The following PPP6R2 variants were observed in gnomAD, a reference collection of about 807,000 sequenced individuals.
PPP6R2 encodes protein phosphatase 6 regulatory subunit 2.
A neutral mutation model predicts 100.2 loss-of-function variants in PPP6R2; 62 were observed. The ratio of observed to expected loss-of-function variants is 0.62; its 90% CI spans 0.50 to 0.76. The LOEUF (loss-of-function observed/expected upper bound fraction) is 0.76. PPP6R2 is among the 30% of genes least tolerant of loss of function. The pLI, the probability that PPP6R2 is intolerant of heterozygous loss-of-function variation, is 0.00. For missense variants in PPP6R2, 1,142 were observed against 1,276.3 expected, an observed-to-expected ratio of 0.89 and a Z score of 1.60; for synonymous variants, 525 against 514.7, an observed-to-expected ratio of 1.02 and a Z score of -0.27.
chr22:50,442,552 T>TTTTGTG (rs2065913265), intron 22 of PPP6R2, among the ~76,000 whole-genome samples: 1 of 151,090 alleles, frequency 6.6e-6, no homozygotes, highest in Non-Finnish European at 1.5e-5. Flanking sequence ...TCACTGAAAT[T>TTTTGTG]TTTGTTTGTT....
chr22:50,367,193 CAG>C (rs1224287099), intron 1 of PPP6R2, among the ~76,000 whole-genome samples: 1 of 151,920 alleles, frequency 6.6e-6, no homozygotes, highest in Non-Finnish European at 1.5e-5. Context: ...GATGCCTGGA[CAG>C]GGGAGCGGGG....
chr22:50,437,914 G>T lies in PPP6R2; in HGVS notation c.1839+14G>T. 6.4e-7 allele frequency: 1 copy of T among 1,559,374 alleles called. No individual in the cohort carries two copies. Among genetic ancestry groups the T allele is most frequent in the South Asian group, 1.2e-5 (1 of 85,586 alleles). On this transcript the variant is annotated intron_variant, in intron 17 of 23. Transcript: ENST00000612753. ...GACGAGGACAGTGTGAGCAAGCCGG[G>T]CTGTGTGGGGTGCCGCCACCCTTTT...
intron 7 of PPP6R2, 108 bp from the exon 8 acceptor site, chr22:50,419,241 C>T: frequency 2.0e-6 from 2 of 984,494 alleles, no homozygotes; most frequent in South Asian, 3.1e-5. Context: ...TGAGCCTGAG[C>T]AGGTTGAGGG....
intron 2 of PPP6R2, among the ~76,000 whole-genome samples, chr22:50,389,623 G>T (rs1029756772): frequency 6.7e-6 from 1 of 149,756 alleles, no homozygotes; most frequent in African/African-American, 2.5e-5. Context: ...GCGTGATCTC[G>T]GCTCTCGCTC....
chr22:50,359,272 G>T (rs2047297292), intron 1 of PPP6R2, among the ~76,000 whole-genome samples: 1 of 145,920 alleles, frequency 6.9e-6, no homozygotes, highest in Non-Finnish European at 1.5e-5. Flanking sequence ...AGGCTGGAGT[G>T]CAGTGGCGTG....
At chr22:50,432,154 A>T in intron 11 of PPP6R2, 111 bp from the exon 12 acceptor site, 4 of 973,180 alleles carry the variant, frequency 4.1e-6, no homozygotes, top group Non-Finnish European at 4.7e-6. Context: ...GGGCCTGCAA[A>T]GTCCACACAG....
chr22:50,434,826 C>T lies in PPP6R2; in HGVS notation c.1401-140C>T, dbSNP rs112759797. ...TCTGGAGGTGAACCTGGAGGAGGGC[C>T]GGGGGCGCGGACACTGGGCAGGGGC... is the stretch of plus-strand genomic sequence containing the variant. On this transcript the variant is annotated intron_variant, in intron 12 of 23. Coordinates refer to ENST00000612753, the MANE Select transcript of PPP6R2 (RefSeq NM_001242898.2). 114 of 670,262 alleles carry T rather than the reference C, an allele frequency of 1.7e-4. 1 individual carries two copies. Among genetic ancestry groups the T allele is most frequent in the South Asian group, 5.7e-4 (30 of 52,628 alleles). The allele number at this position is 670,262 out of a possible 1,614,324, so 41.5% of individuals were successfully genotyped here. A position where few individuals can be genotyped will look rare whatever the true frequency, so the allele number is the denominator to read the frequency against.
At chr22:50,421,864 G>T (rs1220113223) in intron 8 of PPP6R2, among the ~76,000 whole-genome samples, 2 of 151,996 alleles carry the variant, frequency 1.3e-5, no homozygotes, top group African/African-American at 2.4e-5. Context: ...CGAGACTCTG[G>T]CTCAAAAAAA....
At chr22:50,435,427 G>A (rs2064015977) in intron 13 of PPP6R2, among the ~76,000 whole-genome samples, 1 of 152,240 alleles carries the variant, frequency 6.6e-6, no homozygotes, top group South Asian at 2.1e-4. Context: ...TGCCTGGCTA[G>A]GCTGTCCTGG....
At chr22:50,428,337 A>G (rs558853819) in intron 10 of PPP6R2, among the ~76,000 whole-genome samples, 2 of 152,282 alleles carry the variant, frequency 1.3e-5, no homozygotes, top group South Asian at 4.1e-4. Context: ...TTTGTGTGTC[A>G]ATTTTGTATT....
chr22:50,398,515 C>CT (rs539664240), intron 3 of PPP6R2, among the ~76,000 whole-genome samples: 2,474 of 123,948 alleles, frequency 0.02, 39 homozygotes, highest in South Asian at 0.033. Flanking sequence ...CATATTAAGA[C>CT]TTTTTTTTTT....
At chr22:50,421,146 TA>T (rs1448722640) in intron 8 of PPP6R2, among the ~76,000 whole-genome samples, 3 of 152,236 alleles carry the variant, frequency 2.0e-5, no homozygotes, top group Non-Finnish European at 2.9e-5. Flanking sequence ...TTTGTTAGTT[TA>T]TTAACCAGAA....
At chr22:50,386,833 A>C (rs940060088) in intron 2 of PPP6R2, among the ~76,000 whole-genome samples, 1 of 152,112 alleles carries the variant, frequency 6.6e-6, no homozygotes, top group African/African-American at 2.4e-5. Flanking sequence ...TGGAAAAGTT[A>C]GGCTGAAGGA....
At chr22:50,407,022 G>C (rs1381216740) in intron 4 of PPP6R2, 147 bp downstream of exon 4, 3 of 868,142 alleles carry the variant, frequency 3.5e-6, no homozygotes, top group African/African-American at 3.3e-5. Context: ...AGCAGTGTGT[G>C]GGTTTTGCCA....
At chr22:50,352,277 T>C (rs529516855) in intron 1 of PPP6R2, among the ~76,000 whole-genome samples, 149 of 152,326 alleles carry the variant, frequency 9.8e-4, no homozygotes, top group African/African-American at 3.5e-3. Context: ...TAGTATGTTA[T>C]GGAGGTGGCT....
chr22:50,339,572 AGT>A (rs1214139815), upstream of PPP6R2, among the ~76,000 whole-genome samples: 13 of 35,302 alleles, frequency 3.7e-4, no homozygotes, highest in South Asian at 1.8e-3. Flanking sequence ...TGTGGTATGT[AGT>A]GTGTGTGTGG....
intron 19 of PPP6R2, 63 bp from the exon 20 acceptor site, chr22:50,439,638 T>A: frequency 1.4e-6 from 2 of 1,453,066 alleles, no homozygotes; most frequent in South Asian, 2.8e-5. Context: ...GGGCGCTGCC[T>A]CCCCTTTGCC....
chr22:50,351,827 T>G (rs2045345941), intron 1 of PPP6R2, among the ~76,000 whole-genome samples: 2 of 151,760 alleles, frequency 1.3e-5, no homozygotes, highest in African/African-American at 4.8e-5. Flanking sequence ...GGAGTCTTGC[T>G]CTGTCACCCA....
At position 50,407,011 on chromosome 22, in the gene PPP6R2, G is replaced by C. The variant is rs544156019; in HGVS notation, c.414+136G>C. On this transcript the variant is annotated intron_variant, in intron 4 of 23. Coordinates refer to ENST00000612753, the MANE Select transcript of PPP6R2 (RefSeq NM_001242898.2). ...CTGTGACTCTTCTGCGCAACACGTGGAGCAGTGTGTGGGTTTTGCCAGTCT... is the reference window on the plus strand; with the variant it reads ...CTGTGACTCTTCTGCGCAACACGTGCAGCAGTGTGTGGGTTTTGCCAGTCT... The C allele has an allele frequency of 2.3e-5, 21 of 912,466 alleles. No individual in the cohort carries two copies. The South Asian group carries it at 3.0e-4, about 13-fold the overall frequency. The allele number at this position is 912,466 out of a possible 1,614,324, so 56.5% of individuals were successfully genotyped here.
Sources: gnomAD v4.1 joint callset for allele counts (sites outside exome capture counted in the v4.1 genomes callset) on GRCh38, gnomAD v4.1.1 for gene constraint, MANE v1.5 for transcripts, NCBI Gene and HGNC (gene_info 2026-07-23, HGNC 2026-07-21) for gene names.